The following CREB3L2 variants were observed in gnomAD, a reference collection of about 807,000 sequenced individuals.
CREB3L2 encodes cAMP responsive element binding protein 3 like 2.
Under a neutral mutation model 57.2 loss-of-function variants are expected in CREB3L2, and 23 were observed. The ratio of observed to expected loss-of-function variants is 0.40; its 90% CI spans 0.29 to 0.57. CREB3L2 has a LOEUF of 0.57. Among genes scored for constraint, CREB3L2 ranks in the 20% least tolerant of loss-of-function variants. CREB3L2 has a pLI of 0.42. For missense variants in CREB3L2, 628 were observed against 634.7 expected (o/e 0.99, Z 0.11); for synonymous variants, 268 against 265.1 (o/e 1.01, Z -0.11).
chr7:137,927,280 G>GGAA (rs1800489932), intron 2 of CREB3L2, among the ~76,000 whole-genome samples: 1 of 122,982 alleles, frequency 8.1e-6, no homozygotes, highest in Admixed American at 7.5e-5. Flanking sequence ...AAGGAAAGGA[G>GGAA]GAAGGAAGGA....
rs1233821609 is a variant in CREB3L2 at position 138,001,331 on chromosome 7, C to G, written c.102+273G>C. 6.6e-6 allele frequency among the ~76,000 whole-genome samples: 1 copy of G among 152,050 alleles called. No homozygotes were observed. The highest frequency in any genetic ancestry group is 2.4e-5 in the African/African-American group (1 of 41,390). On this transcript the variant is annotated intron_variant, in intron 1 of 11. Coordinates refer to ENST00000330387, the MANE Select transcript of CREB3L2 (RefSeq NM_194071.4). This position sits in a 1 kb window ranked among gnomAD's most constrained non-coding sequence, Gnocchi z 4.2. ...CGCATTACAGTACTGTTAACAACAGCAAATGATATTACAGATGGAAAAAGC... is the reference window on the plus strand; with the variant it reads ...CGCATTACAGTACTGTTAACAACAGGAAATGATATTACAGATGGAAAAAGC...
At chr7:137,885,628 G>C (rs2117177509) in intron 8 of CREB3L2, 126 bp from the exon 9 acceptor site, 1 of 712,654 alleles carries the variant, frequency 1.4e-6, no homozygotes, top group East Asian at 2.6e-5. Context: ...CCAAGGGACA[G>C]TTTCCTCTGG....
chr7:137,975,508 C>G (rs1461361110), intron 1 of CREB3L2, among the ~76,000 whole-genome samples: 1 of 152,156 alleles, frequency 6.6e-6, no homozygotes, highest in Non-Finnish European at 1.5e-5. Context: ...GCCTCACAGG[C>G]AAGACAGAAG....
chr7:137,882,594 A>G lies in CREB3L2; in HGVS notation c.1305T>C (p.His435=), dbSNP rs1284699441. Residue 435 remains histidine (H), a synonymous_variant, in exon 11 of 12, where the codon CAT becomes CAC. Coordinates refer to ENST00000330387, the MANE Select transcript of CREB3L2 (RefSeq NM_194071.4). ...RSRNLLIYEE[H]SPPEESSSPG... is the part of the protein sequence containing the mutation. ...GGCTGGATGACTCCTCTGGGGGAGA[A>G]TGTTCCTCGTAGATCAGCAGGTTTC... 1 of 1,610,814 alleles carries G rather than the reference A, an allele frequency of 6.2e-7. No homozygotes were observed. Among genetic ancestry groups the G allele is most frequent in the South Asian group, 1.1e-5 (1 of 90,862 alleles).
intron 1 of CREB3L2, among the ~76,000 whole-genome samples, chr7:137,969,791 C>CACACATACAAAT (rs141056660): frequency 7.4e-5 from 11 of 148,564 alleles, no homozygotes; most frequent in Admixed American, 4.0e-4. Flanking sequence ...CACACACACA[C>CACACATACAAAT]ACAACATACA....
At chr7:137,949,856 A>C (rs1346756503) in intron 1 of CREB3L2, among the ~76,000 whole-genome samples, 5 of 152,214 alleles carry the variant, frequency 3.3e-5, no homozygotes, top group Admixed American at 1.3e-4. Flanking sequence ...GATCAACTCC[A>C]GGCCGAGTTG....
At chr7:137,922,416 GTATATATA>G in intron 2 of CREB3L2, among the ~76,000 whole-genome samples, 1 of 17,254 alleles carries the variant, frequency 5.8e-5, no homozygotes, top group Admixed American at 1.0e-3. Flanking sequence ...ATATATATAT[GTATATATA>G]TATATATATA....
At chr7:137,931,237 A>G (rs2117245496) in intron 1 of CREB3L2, among the ~76,000 whole-genome samples, 1 of 151,974 alleles carries the variant, frequency 6.6e-6, no homozygotes, top group African/African-American at 2.4e-5. Flanking sequence ...GTCTTTAAAG[A>G]AAAGGCCAAG....
At chr7:137,953,373 C>A in intron 1 of CREB3L2, 1 of 775,526 alleles carries the variant, frequency 1.3e-6, no homozygotes, top group Non-Finnish European at 1.9e-6. Flanking sequence ...ACTGCCAGAG[C>A]CTTCTAACTT....
intron 3 of CREB3L2, among the ~76,000 whole-genome samples, chr7:137,914,060 A>G (rs1427706755): frequency 6.6e-6 from 1 of 152,100 alleles, no homozygotes; most frequent in Non-Finnish European, 1.5e-5. Context: ...TAAATTTTAA[A>G]GAGTCAAAGG....
intron 4 of CREB3L2, 151 bp from the exon 5 acceptor site, chr7:137,908,587 T>G: frequency 2.2e-6 from 1 of 458,368 alleles, no homozygotes; most frequent in Middle Eastern, 4.5e-4. Flanking sequence ...GAGTCCTCCT[T>G]TTGTATGAAA....
intron 1 of CREB3L2, among the ~76,000 whole-genome samples, chr7:137,961,684 T>TC (rs977679125): frequency 1.8e-4 from 28 of 152,110 alleles, no homozygotes; most frequent in African/African-American, 6.0e-4. Flanking sequence ...GTACCTGTGG[T>TC]CCCTAGGAAA....
At chr7:137,994,137 A>C (rs181548398) in intron 1 of CREB3L2, among the ~76,000 whole-genome samples, 2 of 152,204 alleles carry the variant, frequency 1.3e-5, no homozygotes, top group African/African-American at 4.8e-5. Context: ...CTCACTCATA[A>C]GATCACTCAT....
At chr7:137,887,538 T>C (rs1336829104) in intron 8 of CREB3L2, among the ~76,000 whole-genome samples, 1 of 151,952 alleles carries the variant, frequency 6.6e-6, no homozygotes, top group African/African-American at 2.4e-5. Flanking sequence ...AAAACCCTCA[T>C]CTCTACTAAA....
At chr7:137,968,535 T>A (rs1392563072) in intron 1 of CREB3L2, among the ~76,000 whole-genome samples, 1 of 152,232 alleles carries the variant, frequency 6.6e-6, no homozygotes, top group African/African-American at 2.4e-5. Flanking sequence ...GCAAAGGACA[T>A]GAACCCATCC....
chr7:137,988,927 G>C (rs1801834918), intron 1 of CREB3L2, among the ~76,000 whole-genome samples: 1 of 132,838 alleles, frequency 7.5e-6, no homozygotes, highest in Non-Finnish European at 1.6e-5. Context: ...GAAAGGAAGA[G>C]AAAGAGAGAC....
chr7:137,918,284 G>A (rs1018020155), intron 2 of CREB3L2, among the ~76,000 whole-genome samples: 22 of 152,202 alleles, frequency 1.4e-4, no homozygotes, highest in East Asian at 5.8e-4. Flanking sequence ...TCCGCCTCCC[G>A]GATTCAAGCG....
intron 1 of CREB3L2, among the ~76,000 whole-genome samples, chr7:137,978,396 T>C (rs1193593047): frequency 6.6e-6 from 1 of 152,182 alleles, no homozygotes; most frequent in African/African-American, 2.4e-5. Flanking sequence ...TGGAGCTAAG[T>C]GGCAGCTGCT....
At chr7:137,981,067 T>A (rs1801702657) in intron 1 of CREB3L2, among the ~76,000 whole-genome samples, 1 of 151,980 alleles carries the variant, frequency 6.6e-6, no homozygotes, top group Non-Finnish European at 1.5e-5. Flanking sequence ...TGAGATAAGA[T>A]CCCAAGCCCT....
Sources: gnomAD v4.1 joint callset for allele counts (sites outside exome capture counted in the v4.1 genomes callset) on GRCh38, gnomAD v4.1.1 for gene constraint, Gnocchi (gnomAD v3.1) non-coding constraint, MANE v1.5 for transcripts, NCBI Gene and HGNC (gene_info 2026-07-23, HGNC 2026-07-21) for gene names.